The following CNNM2 variants were observed in gnomAD, a reference collection of about 807,000 sequenced individuals.
CNNM2 encodes the protein metal transporter CNNM2.
In CNNM2, 12 loss-of-function variants were observed where a neutral mutation model predicts 66.9. The ratio of observed to expected loss-of-function variants is 0.18; its 90% CI spans 0.11 to 0.29. The LOEUF (loss-of-function observed/expected upper bound fraction) is 0.29. Among genes scored for constraint, CNNM2 ranks in the 10% least tolerant of loss-of-function variants. CNNM2 has a pLI of 1.00. For synonymous variants in CNNM2, 557 were observed against 501.8 expected (o/e 1.11, Z -1.47); for missense variants, 705 against 1,167.7 (o/e 0.60, Z 5.77).
intron 1 of CNNM2, 70 bp from the exon 2 acceptor site, chr10:103,049,637 C>T (rs992428364): frequency 1.4e-6 from 2 of 1,397,406 alleles, no homozygotes; most frequent in Non-Finnish European, 9.9e-7. Flanking sequence ...GTGTTTTTAC[C>T]ATATCACATA....
At chr10:102,973,767 C>G (rs1259885658) in intron 1 of CNNM2, among the ~76,000 whole-genome samples, 2 of 152,094 alleles carry the variant, frequency 1.3e-5, no homozygotes, top group Non-Finnish European at 2.9e-5. Context: ...TTTTATTCTT[C>G]ACATACTCCA....
intron 1 of CNNM2, among the ~76,000 whole-genome samples, chr10:103,045,914 G>A (rs2065120658): frequency 6.6e-6 from 1 of 152,160 alleles, no homozygotes. Context: ...CAAGATGCTG[G>A]GATTACAGGC....
At chr10:103,039,594 A>C (rs1381803263) in intron 1 of CNNM2, among the ~76,000 whole-genome samples, 4 of 152,006 alleles carry the variant, frequency 2.6e-5, no homozygotes, top group African/African-American at 9.7e-5. Flanking sequence ...ATTGAGAGGG[A>C]AATGGATAGA....
rs1455150733 is a variant in CNNM2 at position 102,918,393 on chromosome 10, C to A, written c.-88C>A. 3 of 1,529,456 alleles carry A rather than the reference C, an allele frequency of 2.0e-6. No individual in the cohort carries two copies. The highest frequency in any genetic ancestry group is 2.6e-6 in the Non-Finnish European group (3 of 1,145,798). 94.7% of individuals were successfully genotyped at this position (1,529,456 alleles called of 1,614,324 possible). ...CGAACTGCTGAGCACTGGCCGCGGA[C>A]GCTCCGTTGCAGTCTCGCCCAGGGG... is the stretch of plus-strand genomic sequence containing the variant. On this transcript the variant is annotated 5_prime_UTR_variant, in exon 1 of 8. Transcript: ENST00000369878. This position sits in a 1 kb window ranked among gnomAD's most constrained non-coding sequence, Gnocchi z 4.1.
At chr10:102,926,712 A>ATT (rs376861078) in intron 1 of CNNM2, among the ~76,000 whole-genome samples, 34,824 of 113,546 alleles carry the variant, frequency 0.31, 6,008 homozygotes, top group East Asian at 0.48. Context: ...CACCCAGCTA[A>ATT]TTTTTTTTTT....
At chr10:103,040,231 A>G (rs1263496493) in intron 1 of CNNM2, among the ~76,000 whole-genome samples, 1 of 152,118 alleles carries the variant, frequency 6.6e-6, no homozygotes, top group African/African-American at 2.4e-5. Context: ...TCAAAAATAT[A>G]AAAGATAATT....
chr10:102,936,459 C>T (rs2134172926), intron 1 of CNNM2, among the ~76,000 whole-genome samples: 1 of 150,030 alleles, frequency 6.7e-6, no homozygotes, highest in South Asian at 2.1e-4. Flanking sequence ...TATCATCAGT[C>T]TGATCCTTGA....
rs535942491 is a variant in CNNM2, at chr10:102,993,413, A to G, written c.1622-56294A>G. Among the ~76,000 whole-genome samples, 10 of 152,344 alleles carry G rather than the reference A, an allele frequency of 6.6e-5. No homozygotes were observed. The South Asian group carries it at 2.1e-3, about 32-fold the overall frequency. On this transcript the variant is annotated intron_variant, in intron 1 of 7. Coordinates refer to ENST00000369878, the MANE Select transcript of CNNM2 (RefSeq NM_017649.5). ...GGTAAGTTTTCCCTAGTTGTATACT[A>G]GCAGGGGCTAACTTACCTGATTTCA...
chr10:102,992,726 G>C (rs1032758769), intron 1 of CNNM2, among the ~76,000 whole-genome samples: 1 of 152,122 alleles, frequency 6.6e-6, no homozygotes, highest in Admixed American at 6.6e-5. Flanking sequence ...GCCTGCCTCG[G>C]TACCACAGTA....
chr10:103,076,040 T>C, intron 6 of CNNM2, 46 bp from the exon 7 acceptor site: 1 of 1,512,736 alleles, frequency 6.6e-7, no homozygotes, highest in Non-Finnish European at 9.0e-7. Flanking sequence ...TTTTATTGGC[T>C]GTATCTACTT....
At chr10:103,040,192 A>C (rs2065014758) in intron 1 of CNNM2, among the ~76,000 whole-genome samples, 1 of 152,026 alleles carries the variant, frequency 6.6e-6, no homozygotes, top group Non-Finnish European at 1.5e-5. Context: ...CAGATGCCTT[A>C]AGAGAAATTC....
chr10:103,051,905 G>T (rs2065219326), intron 2 of CNNM2, among the ~76,000 whole-genome samples: 1 of 152,124 alleles, frequency 6.6e-6, no homozygotes, highest in Admixed American at 6.5e-5. Context: ...TTCCTCACTT[G>T]GAGGGTCGTC....
chr10:103,007,085 C>T (rs1427132133), intron 1 of CNNM2, among the ~76,000 whole-genome samples: 1 of 152,168 alleles, frequency 6.6e-6, no homozygotes, highest in Non-Finnish European at 1.5e-5. Flanking sequence ...AGGAATTTTA[C>T]AGCTGGGCCT....
At chr10:102,972,959 G>A (rs1044175117) in intron 1 of CNNM2, among the ~76,000 whole-genome samples, 1 of 152,144 alleles carries the variant, frequency 6.6e-6, no homozygotes, top group Non-Finnish European at 1.5e-5. Context: ...TATTTCATTG[G>A]TTGAAAGATG....
intron 2 of CNNM2, among the ~76,000 whole-genome samples, chr10:103,051,691 G>A (rs980217515): frequency 6.6e-6 from 1 of 151,984 alleles, no homozygotes; most frequent in African/African-American, 2.4e-5. Flanking sequence ...AGTGAGCCGA[G>A]ATTACACCAC....
chr10:102,921,743 C>T (rs1442657703), intron 1 of CNNM2, among the ~76,000 whole-genome samples: 1 of 152,046 alleles, frequency 6.6e-6, no homozygotes, highest in Non-Finnish European at 1.5e-5. Context: ...CTAAATTTCC[C>T]AATATTGATA....
At chr10:102,998,715 C>G (rs969878699) in intron 1 of CNNM2, among the ~76,000 whole-genome samples, 1 of 152,066 alleles carries the variant, frequency 6.6e-6, no homozygotes, top group Non-Finnish European at 1.5e-5. Flanking sequence ...GGGTGACTCA[C>G]GCCTGTAATC....
intron 1 of CNNM2, among the ~76,000 whole-genome samples, chr10:103,013,240 C>A (rs1040919432): frequency 6.6e-6 from 1 of 152,012 alleles, no homozygotes; most frequent in Non-Finnish European, 1.5e-5. Flanking sequence ...GGATAAAAAC[C>A]CAGGGAATGT....
intron 1 of CNNM2, among the ~76,000 whole-genome samples, chr10:102,954,852 A>G (rs1265745002): frequency 2.0e-5 from 3 of 152,166 alleles, no homozygotes; most frequent in Non-Finnish European, 4.4e-5. Context: ...TTCAAGGAAA[A>G]CTACAAACCA....
Sources: gnomAD v4.1 joint callset for allele counts (sites outside exome capture counted in the v4.1 genomes callset) on GRCh38, gnomAD v4.1.1 for gene constraint, Gnocchi (gnomAD v3.1) non-coding constraint, MANE v1.5 for transcripts, NCBI Gene and HGNC (gene_info 2026-07-23, HGNC 2026-07-21) for gene names.